Variants in CACNA1B observed in about 807,000 individuals in gnomAD.
The protein encoded by CACNA1B is voltage-dependent N-type calcium channel subunit alpha-1B.
Under a neutral mutation model 247.2 loss-of-function variants are expected in CACNA1B, and 70 were observed. The observed-to-expected ratio is 0.28, with a 90% CI of 0.23 to 0.35. The LOEUF (loss-of-function observed/expected upper bound fraction) is 0.35. Ranked by LOEUF, CACNA1B falls within the 10% of genes least tolerant of loss-of-function variation. The probability of loss-of-function intolerance (pLI) is 1.00; values close to 1 mark genes in which losing one functional copy is unlikely to be tolerated. For synonymous variants in CACNA1B, 1,231 were observed against 1,294.4 expected (o/e 0.95, Z 1.05); for missense variants, 2,367 against 3,197.4 (o/e 0.74, Z 6.26).
In CACNA1B at chr9:138,057,174, T is replaced by A. The variant is rs1375232064; in HGVS notation, c.3969-558T>A. 6.6e-6 allele frequency among the ~76,000 whole-genome samples: 1 copy of A among 152,066 alleles called. No homozygotes were observed. Among genetic ancestry groups the A allele is most frequent in the Admixed American group, 6.5e-5 (1 of 15,268 alleles). Reference sequence around the variant, plus strand: ...GGATGGTCTCCATCTCCTGACCTCGTGATCCGCCCGCCTCGGCCTCCCAAA... The same window carrying A: ...GGATGGTCTCCATCTCCTGACCTCGAGATCCGCCCGCCTCGGCCTCCCAAA... On this transcript the variant is annotated intron_variant, in intron 26 of 46. Transcript: ENST00000371372. This position sits in a 1 kb window ranked among gnomAD's most constrained non-coding sequence, Gnocchi z 4.0.
At chr9:138,028,388 T>C (rs1320234119) in intron 20 of CACNA1B, among the ~76,000 whole-genome samples, 2 of 152,194 alleles carry the variant, frequency 1.3e-5, no homozygotes, top group Non-Finnish European at 2.9e-5. Context: ...TAACCGATTT[T>C]GTAAAATATA....
intron 10 of CACNA1B, among the ~76,000 whole-genome samples, chr9:137,963,845 C>T (rs1389240347): frequency 6.6e-6 from 1 of 152,138 alleles, no homozygotes; most frequent in East Asian, 1.9e-4. Context: ...TTTTTCCTTT[C>T]CATATTTAGT....
rs753543935 is a variant in CACNA1B at position 138,118,676 on chromosome 9, A to G, written c.5938A>G (p.Ile1980Val). Residue 1980 changes from isoleucine (I) to valine (V), a missense_variant, in exon 44 of 47, where the codon ATA (isoleucine) becomes GTA (valine). This residue lies in a region of CACNA1B where 773 missense variants were observed against 779.4 expected (regional missense o/e 0.99). Transcript: ENST00000371372. Reference sequence around the variant, plus strand: ...GGCTGTGGACGTTCAGATGCAGAGCATAACCCGGAGGGGCCCTGATGGGGA... The same window carrying G: ...GGCTGTGGACGTTCAGATGCAGAGCGTAACCCGGAGGGGCCCTGATGGGGA... ...ALAVDVQMQSITRRGPDGEPQ... is the reference protein window; with the variant it reads ...ALAVDVQMQSVTRRGPDGEPQ... 1.9e-6 allele frequency: 3 copies of G among 1,562,250 alleles called. No individual in the cohort carries two copies. Among genetic ancestry groups the G allele is most frequent in the South Asian group, 2.4e-5 (2 of 85,086 alleles).
intron 7 of CACNA1B, among the ~76,000 whole-genome samples, chr9:137,953,404 C>T (rs150372830): frequency 5.3e-5 from 8 of 152,318 alleles, no homozygotes; most frequent in East Asian, 3.9e-4. Flanking sequence ...AGTTCTGCCA[C>T]GCTGAGCAGG....
chr9:138,075,676 C>T (rs923649208), intron 34 of CACNA1B, 143 bp from the exon 35 acceptor site: 25 of 622,638 alleles, frequency 4.0e-5, no homozygotes, highest in African/African-American at 1.3e-4. Context: ...TGGCCTCTCC[C>T]GGGTGGGAGT....
In CACNA1B at chr9:137,928,632, C is replaced by T. The variant is rs77921737; in HGVS notation, c.966+11201C>T. ...AATAACACTTTTGCTGCAATATAAT[C>T]TGTGTACCATAAAATTCACCATTTT... On this transcript the variant is annotated intron_variant, in intron 6 of 46. Coordinates refer to ENST00000371372, the MANE Select transcript of CACNA1B (RefSeq NM_000718.4). 7.2e-3 allele frequency among the ~76,000 whole-genome samples: 1,101 copies of T among 152,238 alleles called. 11 individuals are homozygous for T. The highest frequency in any genetic ancestry group is 0.025 in the African/African-American group (1,058 of 41,516).
chr9:137,960,400 G>C (rs1305615777), intron 10 of CACNA1B, among the ~76,000 whole-genome samples: 4 of 103,294 alleles, frequency 3.9e-5, no homozygotes, highest in Non-Finnish European at 6.1e-5. Context: ...TGGCCTGACT[G>C]GGGGGGAGGG....
At chr9:138,013,364 CA>C (rs1054080761) in intron 18 of CACNA1B, 129 bp downstream of exon 18, 12 of 630,308 alleles carry the variant, frequency 1.9e-5, no homozygotes, top group Non-Finnish European at 3.0e-5. Flanking sequence ...GGTGAGGACA[CA>C]GCCCCTCCTC....
In CACNA1B at chr9:138,099,259, GT is replaced by G. The variant is rs201705806; in HGVS notation, c.5222+2652del. Among the ~76,000 whole-genome samples the G allele has an allele frequency of 9.1e-3, 1,392 of 152,368 alleles. 22 individuals carry two copies. Among genetic ancestry groups the G allele is most frequent in the African/African-American group, 0.032 (1,330 of 41,588 alleles). ...CATGCACACAGATGTCTACATGTGT[GT>G]TTTGTGCACATGTGCATGCACAAGG... On this transcript the variant is annotated intron_variant, in intron 37 of 46. Transcript: ENST00000371372.
At chr9:137,953,783 G>A (rs956262668) in intron 7 of CACNA1B, among the ~76,000 whole-genome samples, 1 of 152,158 alleles carries the variant, frequency 6.6e-6, no homozygotes, top group Admixed American at 6.5e-5. Context: ...AGAGATGCTT[G>A]GAGCTGGAGT....
At chr9:138,080,665 G>A (rs1378021978) in intron 36 of CACNA1B, among the ~76,000 whole-genome samples, 4 of 152,120 alleles carry the variant, frequency 2.6e-5, no homozygotes, top group African/African-American at 9.7e-5. Flanking sequence ...AGTTTTTCAT[G>A]AAGGAAGGGG....
chr9:137,979,124 G>C (rs917755495), intron 12 of CACNA1B, among the ~76,000 whole-genome samples: 7 of 152,232 alleles, frequency 4.6e-5, no homozygotes, highest in Non-Finnish European at 8.8e-5. Flanking sequence ...TTGCACATAA[G>C]CTAACACATT....
At chr9:137,999,715 C>T (rs1958542728) in intron 15 of CACNA1B, among the ~76,000 whole-genome samples, 1 of 151,810 alleles carries the variant, frequency 6.6e-6, no homozygotes, top group Non-Finnish European at 1.5e-5. Context: ...ACAATGTTGC[C>T]CAGGCTGGTC....
intron 38 of CACNA1B, among the ~76,000 whole-genome samples, chr9:138,104,035 G>A (rs1961342370): frequency 6.6e-6 from 1 of 152,366 alleles, no homozygotes; most frequent in African/African-American, 2.4e-5. Flanking sequence ...AGCAGGCAGG[G>A]CCATGATGGA....
chr9:138,089,439 GAC>G (rs1348881934), intron 36 of CACNA1B, among the ~76,000 whole-genome samples: 1 of 151,994 alleles, frequency 6.6e-6, no homozygotes, highest in African/African-American at 2.4e-5. Context: ...CATCTCAATA[GAC>G]ACAGAAAAAA....
chr9:138,053,726 T>A, intron 25 of CACNA1B, 120 bp from the exon 26 acceptor site: 1 of 495,334 alleles, frequency 2.0e-6, no homozygotes, highest in Non-Finnish European at 3.7e-6. Flanking sequence ...CCCTCCCACC[T>A]TGGCTTCACC....
chr9:138,043,756 G>C lies in CACNA1B; in HGVS notation c.3287-18G>C, dbSNP rs975119701. Reference sequence around the variant, plus strand: ...ATGTGCACTACACCCCTTACTCGGGGGCCCTGTGTCCTTGTAGGTGGTAAC... The same window carrying C: ...ATGTGCACTACACCCCTTACTCGGGCGCCCTGTGTCCTTGTAGGTGGTAAC... On this transcript the variant is annotated intron_variant, in intron 20 of 46. Transcript: ENST00000371372. 6.2e-7 allele frequency: 1 copy of C among 1,613,858 alleles called. No individual in the cohort carries two copies. The highest frequency in any genetic ancestry group is 1.1e-5 in the South Asian group (1 of 91,056).
Position 137,975,892 on chromosome 9 carries a change from T to C in CACNA1B, c.1544-15T>C. On this transcript the variant is annotated splice_polypyrimidine_tract_variant and intron_variant, in intron 11 of 46. Transcript: ENST00000371372. ...AGGCCTCGAGCTAATCCCCCTCTTC[T>C]CCGGCTTCTCCTAGATTTTGCAGAG... 6.5e-7 allele frequency: 1 copy of C among 1,535,424 alleles called. No homozygotes were observed. Among genetic ancestry groups the C allele is most frequent in the Non-Finnish European group, 9.0e-7 (1 of 1,110,486 alleles).
intron 24 of CACNA1B, 35 bp downstream of exon 24, chr9:138,049,350 GC>G: frequency 2.2e-6 from 3 of 1,333,386 alleles, no homozygotes; most frequent in Non-Finnish European, 2.2e-6. Flanking sequence ...GCTAGGGAGA[GC>G]CCCCAGAATC....
Sources: allele counts gnomAD v4.1 joint callset (sites outside exome capture counted in the v4.1 genomes callset), GRCh38; gene constraint gnomAD v4.1.1; regional missense constraint gnomAD v4.1.1; non-coding constraint Gnocchi (gnomAD v3.1); transcripts MANE v1.5; gene names NCBI Gene and HGNC (gene_info 2026-07-23, HGNC 2026-07-21).